The following INSYN2A variants were observed in gnomAD, a reference collection of about 807,000 sequenced individuals.
INSYN2A encodes inhibitory synaptic factor 2A, also known as family with sequence similarity 196 member A.
Under a neutral mutation model 39.4 loss-of-function variants are expected in INSYN2A, and 17 were observed. That is an observed-to-expected ratio of 0.43 (90% CI 0.30 to 0.65). INSYN2A has a LOEUF of 0.65. Ranked by LOEUF, INSYN2A falls within the 30% of genes least tolerant of loss-of-function variation. The pLI, the probability that INSYN2A is intolerant of heterozygous loss-of-function variation, is 0.14. For synonymous variants in INSYN2A, 255 were observed against 265.7 expected, an observed-to-expected ratio of 0.96 and a Z score of 0.39; for missense variants, 595 against 631.2, an observed-to-expected ratio of 0.94 and a Z score of 0.61.
At chr10:127,169,164 A>G (rs775650717) in intron 4 of INSYN2A, among the ~76,000 whole-genome samples, 12 of 152,198 alleles carry the variant, frequency 7.9e-5, no homozygotes, top group Admixed American at 2.6e-4. Flanking sequence ...TGTCATATAC[A>G]TTATACATAC....
intron 2 of INSYN2A, among the ~76,000 whole-genome samples, chr10:127,189,507 T>C (rs558078017): frequency 3.3e-5 from 5 of 152,324 alleles, no homozygotes; most frequent in African/African-American, 1.2e-4. Flanking sequence ...AAAGTAGATA[T>C]ATATTCAGAA....
intron 4 of INSYN2A, among the ~76,000 whole-genome samples, chr10:127,157,249 A>G (rs1332263461): frequency 6.6e-6 from 1 of 152,216 alleles, no homozygotes; most frequent in African/African-American, 2.4e-5. Context: ...CCAGGGTTGG[A>G]TGTTGCAAAC....
At chr10:127,146,771 C>T (rs189764910) in intron 5 of INSYN2A, among the ~76,000 whole-genome samples, 20 of 152,276 alleles carry the variant, frequency 1.3e-4, no homozygotes, top group Non-Finnish European at 2.4e-4. Context: ...AAGAGATAAT[C>T]GCTGAATGAC....
intron 5 of INSYN2A, among the ~76,000 whole-genome samples, chr10:127,143,050 C>T (rs555844810): frequency 3.3e-5 from 5 of 152,296 alleles, no homozygotes; most frequent in African/African-American, 9.6e-5. Flanking sequence ...TTTTGCAGAG[C>T]GGCATCCTTC....
At chr10:127,156,985 G>T (rs966372659) in intron 4 of INSYN2A, among the ~76,000 whole-genome samples, 1 of 152,216 alleles carries the variant, frequency 6.6e-6, no homozygotes, top group Non-Finnish European at 1.5e-5. Flanking sequence ...CATACTAAGT[G>T]TGAAACATTT....
At chr10:127,153,150 C>T (rs910420776) in intron 5 of INSYN2A, among the ~76,000 whole-genome samples, 4 of 152,090 alleles carry the variant, frequency 2.6e-5, no homozygotes, top group Non-Finnish European at 4.4e-5. Flanking sequence ...CATTTCTCAC[C>T]GCTTTTATAT....
intron 1 of INSYN2A, among the ~76,000 whole-genome samples, chr10:127,194,487 G>T (rs7085636): frequency 3.3e-5 from 5 of 152,234 alleles, no homozygotes; most frequent in African/African-American, 4.8e-5. Context: ...AGTACAGTGT[G>T]GGGGAATAGT....
chr10:127,195,028 C>T (rs2057010389), intron 1 of INSYN2A, among the ~76,000 whole-genome samples: 1 of 152,206 alleles, frequency 6.6e-6, no homozygotes, highest in Admixed American at 6.5e-5. Context: ...CCCATTTTCT[C>T]TCCTATTTAC....
At chr10:127,145,900 G>A (rs562936276) in intron 5 of INSYN2A, 3 of 470,138 alleles carry the variant, frequency 6.4e-6, no homozygotes, top group South Asian at 1.6e-5. Flanking sequence ...CGGTCTAAAC[G>A]TCAGCCTGTG....
At chr10:127,156,827 C>G (rs549005383) in intron 4 of INSYN2A, among the ~76,000 whole-genome samples, 1 of 152,266 alleles carries the variant, frequency 6.6e-6, no homozygotes, top group East Asian at 1.9e-4. Flanking sequence ...CTCGGCCTCC[C>G]AAAGTGTTGG....
At chr10:127,160,834 A>T (rs924919094) in intron 4 of INSYN2A, among the ~76,000 whole-genome samples, 1 of 152,182 alleles carries the variant, frequency 6.6e-6, no homozygotes, top group African/African-American at 2.4e-5. Flanking sequence ...TTCTTACTGG[A>T]TGCAACAACC....
chr10:127,154,454 T>A (rs2052832942), intron 4 of INSYN2A, among the ~76,000 whole-genome samples: 1 of 152,260 alleles, frequency 6.6e-6, no homozygotes, highest in African/African-American at 2.4e-5. Flanking sequence ...CACATGGAAA[T>A]GATCCGAAAT....
At chr10:127,158,555 C>T (rs958129195) in intron 4 of INSYN2A, among the ~76,000 whole-genome samples, 3 of 152,098 alleles carry the variant, frequency 2.0e-5, no homozygotes, top group East Asian at 1.9e-4. Flanking sequence ...ACCTTCTGGG[C>T]GTTCAGTTAA....
chr10:127,189,133 C>G (rs934528801), intron 2 of INSYN2A, among the ~76,000 whole-genome samples: 1 of 152,190 alleles, frequency 6.6e-6, no homozygotes, highest in African/African-American at 2.4e-5. Context: ...CTACGAGACA[C>G]AAGCTTGAGA....
intron 4 of INSYN2A, among the ~76,000 whole-genome samples, chr10:127,168,540 T>G (rs1388257809): frequency 6.6e-6 from 1 of 152,248 alleles, no homozygotes; most frequent in Non-Finnish European, 1.5e-5. Context: ...TTTTCAGGAC[T>G]GCAGAGGCTG....
At chr10:127,191,683 C>T (rs1410823828) in intron 2 of INSYN2A, among the ~76,000 whole-genome samples, 3 of 152,190 alleles carry the variant, frequency 2.0e-5, no homozygotes, top group African/African-American at 7.2e-5. Context: ...CCTAGAAACA[C>T]AAAGACTGCT....
chr10:127,183,749 G>A lies in INSYN2A; in HGVS notation c.-268-6610C>T, dbSNP rs868414265. On this transcript the variant is annotated intron_variant, in intron 2 of 5. Transcript: ENST00000522781. ...AACACAAAATGTCATTTTTGTTGGG[G>A]GGCTGGTGAAGAGAAAATAAACAAA... 1.6e-4 allele frequency among the ~76,000 whole-genome samples: 25 copies of A among 152,090 alleles called. No homozygotes were observed. In the Middle Eastern group the frequency reaches 0.017, roughly 103 times the overall value.
At chr10:127,195,718 C>T (rs1157986980) in intron 1 of INSYN2A, among the ~76,000 whole-genome samples, 1 of 152,238 alleles carries the variant, frequency 6.6e-6, no homozygotes, top group Non-Finnish European at 1.5e-5. Flanking sequence ...AGCCCCGCTC[C>T]TCCCTGACGT....
At chr10:127,164,947 C>T (rs1420265249) in intron 4 of INSYN2A, among the ~76,000 whole-genome samples, 4 of 151,918 alleles carry the variant, frequency 2.6e-5, no homozygotes, top group African/African-American at 4.8e-5. Flanking sequence ...CAGCTGAGGC[C>T]GAGTTGATTA....
Sources: gnomAD v4.1 joint callset for allele counts (sites outside exome capture counted in the v4.1 genomes callset) on GRCh38, gnomAD v4.1.1 for gene constraint, MANE v1.5 for transcripts, NCBI Gene and HGNC (gene_info 2026-07-23, HGNC 2026-07-21) for gene names.